The following TUSC3 variants were observed in gnomAD, a reference collection of about 807,000 sequenced individuals.
TUSC3 encodes the protein tumor suppressor candidate 3, also known as dolichyl-diphosphooligosaccharide--protein glycosyltransferase subunit TUSC3.
In TUSC3, 45 loss-of-function variants were observed where a neutral mutation model predicts 44.8. The observed-to-expected ratio is 1.00, with a 90% CI of 0.79 to 1.29. The LOEUF (loss-of-function observed/expected upper bound fraction) is 1.29. Among genes scored for constraint, TUSC3 ranks in the 50% most tolerant of loss-of-function variants. The pLI, the probability that TUSC3 is intolerant of heterozygous loss-of-function variation, is 0.00. For missense variants in TUSC3, 519 were observed against 437.9 expected (o/e 1.19, Z -1.65); for synonymous variants, 212 against 152.9 (o/e 1.39, Z -2.85).
intron 2 of TUSC3, among the ~76,000 whole-genome samples, chr8:15,527,662 C>T (rs1237917634): frequency 2.0e-5 from 3 of 152,174 alleles, no homozygotes; most frequent in Non-Finnish European, 2.9e-5. Context: ...ATGTTGGCCT[C>T]CCAAAGTCCT....
At chr8:15,797,365 G>C in the TUSC3 span, among the ~76,000 whole-genome samples, 6 of 151,486 alleles carry the variant, frequency 4.0e-5, no homozygotes, top group Admixed American at 3.9e-4. Context: ...CTTTTTTTTG[G>C]CTTTGAGGTC....
chr8:15,595,075 C>T (rs1006460955), intron 1 of TUSC3, among the ~76,000 whole-genome samples: 16 of 152,178 alleles, frequency 1.1e-4, no homozygotes, highest in Admixed American at 5.2e-4. Context: ...CTATTCCCAC[C>T]AGTCCCTCCC....
chr8:15,422,855 C>T (rs1222529776), intron 1 of TUSC3, among the ~76,000 whole-genome samples: 1 of 152,062 alleles, frequency 6.6e-6, no homozygotes, highest in Non-Finnish European at 1.5e-5. Flanking sequence ...GTTGTACAGG[C>T]TGGTCACAAA....
At chr8:15,616,730 G>A (rs558125534) in intron 1 of TUSC3, among the ~76,000 whole-genome samples, 2 of 152,156 alleles carry the variant, frequency 1.3e-5, no homozygotes, top group East Asian at 3.9e-4. Flanking sequence ...CTCTGACCTC[G>A]AGACTCCCTG....
chr8:15,799,724 T>C, the TUSC3 span, among the ~76,000 whole-genome samples: 5 of 152,186 alleles, frequency 3.3e-5, no homozygotes, highest in Non-Finnish European at 7.3e-5. Flanking sequence ...TTTTTCAGCA[T>C]CCCACACTTA....
At chr8:15,806,805 G>T in the TUSC3 span, 1 of 855,390 alleles carries the variant, frequency 1.2e-6, no homozygotes. Flanking sequence ...TTTGCAATTT[G>T]TGAAGAAATG....
At chr8:15,500,370 C>T (rs894702964) in intron 2 of TUSC3, among the ~76,000 whole-genome samples, 2 of 152,254 alleles carry the variant, frequency 1.3e-5, no homozygotes, top group East Asian at 3.9e-4. Flanking sequence ...TAAATTACCA[C>T]CAAAGGTCCC....
chr8:15,565,186 T>C (rs140359534), intron 1 of TUSC3, among the ~76,000 whole-genome samples: 2,872 of 151,784 alleles, frequency 0.019, 93 homozygotes, highest in African/African-American at 0.065. Flanking sequence ...TTTTGTCTTT[T>C]GCAGTTTCTA....
intron 2 of TUSC3, among the ~76,000 whole-genome samples, chr8:15,530,560 CAG>C (rs1801436202): frequency 6.6e-6 from 1 of 152,082 alleles, no homozygotes; most frequent in African/African-American, 2.4e-5. Context: ...TAGTAAGAGA[CAG>C]AGCAAGGAAT....
intron 1 of TUSC3, among the ~76,000 whole-genome samples, chr8:15,593,895 T>C (rs552974451): frequency 3.3e-5 from 5 of 152,276 alleles, no homozygotes; most frequent in African/African-American, 1.2e-4. Flanking sequence ...ATGTTAATTG[T>C]GAGGATCTGC....
chr8:15,584,119 A>G (rs1803496064), intron 1 of TUSC3, among the ~76,000 whole-genome samples: 1 of 152,192 alleles, frequency 6.6e-6, no homozygotes, highest in South Asian at 2.1e-4. Context: ...TAGATGTTTA[A>G]TTGATGTTAA....
intron 1 of TUSC3, among the ~76,000 whole-genome samples, chr8:15,462,246 AGAATTTTGAC>A (rs1158007835): frequency 6.6e-6 from 1 of 152,128 alleles, no homozygotes; most frequent in Non-Finnish European, 1.5e-5. Flanking sequence ...TATGTGGCAG[AGAATTTTGAC>A]GAATTATTTG....
chr8:15,532,772 C>T (rs1801467320), intron 2 of TUSC3, among the ~76,000 whole-genome samples: 1 of 152,138 alleles, frequency 6.6e-6, no homozygotes, highest in South Asian at 2.1e-4. Context: ...GTGCTGTTCT[C>T]ATGATAATGA....
At chr8:15,475,954 C>T (rs187419929) in intron 1 of TUSC3, among the ~76,000 whole-genome samples, 1 of 152,230 alleles carries the variant, frequency 6.6e-6, no homozygotes, top group East Asian at 1.9e-4. Context: ...CTCAATAGAA[C>T]AGGACTTCTG....
chr8:15,480,859 G>A (rs1042604836), intron 1 of TUSC3, among the ~76,000 whole-genome samples: 10 of 152,106 alleles, frequency 6.6e-5, no homozygotes, highest in African/African-American at 2.4e-4. Flanking sequence ...TTCAATATAC[G>A]AATTTTGAGG....
At chr8:15,714,432 A>G (rs1018778063) in intron 6 of TUSC3, among the ~76,000 whole-genome samples, 7 of 152,164 alleles carry the variant, frequency 4.6e-5, no homozygotes, top group African/African-American at 1.7e-4. Context: ...AATTATCACA[A>G]ATTTTTACAT....
chr8:15,816,823 A>C, the TUSC3 span, among the ~76,000 whole-genome samples: 145,844 of 152,300 alleles, frequency 0.96, 69,874 homozygotes, highest in Non-Finnish European at 0.97. Flanking sequence ...AACTTCCAAT[A>C]ACAGTTTAAA....
intron 2 of TUSC3, among the ~76,000 whole-genome samples, chr8:15,640,174 A>G (rs2129171428): frequency 6.6e-6 from 1 of 152,308 alleles, no homozygotes; most frequent in South Asian, 2.1e-4. Flanking sequence ...TTTGCCACCT[A>G]CCATGCAGAG....
chr8:15,441,304 G>T (rs969693545), intron 1 of TUSC3, among the ~76,000 whole-genome samples: 2 of 152,156 alleles, frequency 1.3e-5, no homozygotes, highest in African/African-American at 4.8e-5. Flanking sequence ...CTACTCAGGA[G>T]GCTGAGGCAG....
Sources: allele counts gnomAD v4.1 joint callset (sites outside exome capture counted in the v4.1 genomes callset), GRCh38; gene constraint gnomAD v4.1.1; transcripts MANE v1.5; gene names NCBI Gene and HGNC (gene_info 2026-07-23, HGNC 2026-07-21).